Variants in PCLO observed in about 807,000 individuals in gnomAD.
PCLO encodes the protein piccolo presynaptic cytomatrix protein, also known as protein piccolo.
In PCLO, 82 loss-of-function variants were observed where a neutral mutation model predicts 427.5. That is an observed-to-expected ratio of 0.19 (90% confidence interval 0.16 to 0.23). The LOEUF (loss-of-function observed/expected upper bound fraction) is 0.23. Ranked by LOEUF, PCLO falls within the 10% of genes least tolerant of loss-of-function variation. The pLI, the probability that PCLO is intolerant of heterozygous loss-of-function variation, is 1.00. For missense variants in PCLO, 6,239 were observed against 6,115.9 expected, an observed-to-expected ratio of 1.02 and a Z score of -0.67; for synonymous variants, 2,357 against 2,155.4, an observed-to-expected ratio of 1.09 and a Z score of -2.59.
At chr7:83,100,821 CTG>C (rs1207528686) in intron 3 of PCLO, among the ~76,000 whole-genome samples, 2 of 152,066 alleles carry the variant, frequency 1.3e-5, no homozygotes, top group African/African-American at 4.8e-5. Context: ...ATTTAAAAAA[CTG>C]TTATTTTATA....
chr7:83,097,811 C>A (rs923018046), intron 3 of PCLO, among the ~76,000 whole-genome samples: 1 of 151,652 alleles, frequency 6.6e-6, no homozygotes, highest in African/African-American at 2.4e-5. Context: ...TGAGCATGAT[C>A]ATATTTTAAA....
intron 1 of PCLO, among the ~76,000 whole-genome samples, chr7:83,162,106 A>T (rs1485439607): frequency 1.3e-5 from 2 of 152,118 alleles, no homozygotes; most frequent in Admixed American, 1.3e-4. Flanking sequence ...AAAAATCACA[A>T]CCTAAAATCA....
chr7:83,040,430 G>A (rs1021787580), intron 3 of PCLO, among the ~76,000 whole-genome samples: 6 of 152,032 alleles, frequency 3.9e-5, no homozygotes, highest in Non-Finnish European at 4.4e-5. Context: ...TACTTGCAGC[G>A]GATTTTTCTG....
chr7:82,950,360 G>A lies in PCLO; in HGVS notation c.10228C>T (p.Pro3410Ser), dbSNP rs748441878. The A allele has an allele frequency of 5.6e-6, 9 of 1,613,462 alleles. No individual in the cohort carries two copies. The Admixed American group carries it at 6.7e-5, about 12-fold the overall frequency. Residue 3410 changes from proline (P) to serine (S), a missense_variant, in exon 6 of 25, where the codon CCC becomes TCC. Coordinates refer to ENST00000333891, the MANE Select transcript of PCLO (RefSeq NM_033026.6). ...TTAGCTCCAGAACTTCTCTTTTTGG[G>A]TTGTTTTTCCTCTTTCACAACAACA... Reference protein sequence around the residue: ...TDVVVKEEKQPKKRSSGAKVR... With the variant: ...TDVVVKEEKQSKKRSSGAKVR...
chr7:82,883,018 C>T (rs910924831), intron 9 of PCLO, among the ~76,000 whole-genome samples: 1 of 152,082 alleles, frequency 6.6e-6, no homozygotes, highest in South Asian at 2.1e-4. Flanking sequence ...AATTAAAATA[C>T]TTGTTTAATT....
At chr7:82,914,587 A>G in intron 7 of PCLO, 99 bp downstream of exon 7, 3 of 1,211,432 alleles carry the variant, frequency 2.5e-6, no homozygotes, top group Non-Finnish European at 1.2e-6. Context: ...AGACACACCA[A>G]GAAAAGTAGG....
intron 9 of PCLO, 73 bp from the exon 10 acceptor site, chr7:82,879,535 C>A: frequency 1.7e-6 from 2 of 1,182,102 alleles, no homozygotes; most frequent in Admixed American, 2.7e-5. Context: ...TTACAGAGAG[C>A]ACAAAAAGTA....
chr7:82,801,969 T>C (rs1791362988), intron 21 of PCLO, among the ~76,000 whole-genome samples: 1 of 152,050 alleles, frequency 6.6e-6, no homozygotes. Flanking sequence ...TATTTTTATA[T>C]GTTGTACTGA....
At chr7:83,162,246 G>A in intron 1 of PCLO, 99 bp downstream of exon 1, 6 of 1,353,146 alleles carry the variant, frequency 4.4e-6, no homozygotes, top group Non-Finnish European at 5.9e-6. Flanking sequence ...GAACGGAGGC[G>A]ACATATATGT....
chr7:83,132,798 A>C (rs1177391897), intron 3 of PCLO, among the ~76,000 whole-genome samples: 2 of 152,072 alleles, frequency 1.3e-5, no homozygotes, highest in Non-Finnish European at 2.9e-5. Context: ...CCTCCTTACA[A>C]GGTACAATTT....
intron 3 of PCLO, among the ~76,000 whole-genome samples, chr7:83,080,136 G>A (rs941098746): frequency 6.6e-6 from 1 of 152,136 alleles, no homozygotes; most frequent in Non-Finnish European, 1.5e-5. Flanking sequence ...GGGCATTTGA[G>A]TTGATTCCTT....
At chr7:83,057,471 C>G (rs1189585833) in intron 3 of PCLO, among the ~76,000 whole-genome samples, 1 of 145,118 alleles carries the variant, frequency 6.9e-6, no homozygotes, top group East Asian at 2.1e-4. Context: ...ACGCCATTCT[C>G]CTGCCTCAGC....
intron 3 of PCLO, among the ~76,000 whole-genome samples, chr7:83,015,273 G>A (rs1268830402): frequency 1.3e-5 from 2 of 151,682 alleles, no homozygotes; most frequent in African/African-American, 4.8e-5. Flanking sequence ...TGTCTCAACA[G>A]TTCTGGACCC....
In PCLO at chr7:83,053,945, T is replaced by C. The variant is rs545326169; in HGVS notation, c.3300+80305A>G. ...TTGTAGAATCTATGAAATATAGGTA[T>C]ATACAAAATGAAACAAATTCTTGTA... is the stretch of plus-strand genomic sequence containing the variant. On this transcript the variant is annotated intron_variant, in intron 3 of 24. Coordinates refer to ENST00000333891, the MANE Select transcript of PCLO (RefSeq NM_033026.6). Among the ~76,000 whole-genome samples the C allele has an allele frequency of 7.9e-5, 12 of 152,078 alleles. 1 individual carries two copies. In the South Asian group the frequency reaches 2.5e-3, roughly 31 times the overall value.
intron 3 of PCLO, among the ~76,000 whole-genome samples, chr7:83,072,559 A>G (rs1789845430): frequency 6.6e-6 from 1 of 152,060 alleles, no homozygotes; most frequent in Non-Finnish European, 1.5e-5. Flanking sequence ...AGAGATAATG[A>G]TTCCAGTCTT....
intron 3 of PCLO, among the ~76,000 whole-genome samples, chr7:83,123,789 C>A (rs1051846246): frequency 2.0e-5 from 3 of 151,770 alleles, no homozygotes. Context: ...AATCTAAAAT[C>A]TGTTAAGAAA....
intron 10 of PCLO, among the ~76,000 whole-genome samples, chr7:82,876,240 A>G (rs1455455118): frequency 6.6e-6 from 1 of 152,072 alleles, no homozygotes; most frequent in Non-Finnish European, 1.5e-5. Flanking sequence ...CAACAAATAC[A>G]TTTAAAAAAT....
rs1491035406 is a variant in PCLO at position 82,999,490 on chromosome 7, AAT to A, written c.3301-33005_3301-33004del. On this transcript the variant is annotated intron_variant, in intron 3 of 24. Transcript: ENST00000333891. ...ATATATATCCATTATTATAAAATAT[AAT>A]ATATATAATATTATATTAAAATATA... 3.1e-3 allele frequency among the ~76,000 whole-genome samples: 59 copies of A among 19,332 alleles called. 26 individuals are homozygous for A. In the African/African-American group the frequency reaches 0.038, roughly 12 times the overall value. The allele number at this position is 19,332 out of a possible 152,430, so 12.7% of individuals were successfully genotyped here.
intron 9 of PCLO, among the ~76,000 whole-genome samples, chr7:82,895,814 A>C (rs1793890367): frequency 6.6e-6 from 1 of 151,958 alleles, no homozygotes; most frequent in African/African-American, 2.4e-5. Flanking sequence ...TTGAATTAGT[A>C]ACTGGATGTC....
Sources: gnomAD v4.1 joint callset for allele counts (sites outside exome capture counted in the v4.1 genomes callset) on GRCh38, gnomAD v4.1.1 for gene constraint, MANE v1.5 for transcripts, NCBI Gene and HGNC (gene_info 2026-07-23, HGNC 2026-07-21) for gene names.